The following ASPRV1 variants were observed in gnomAD, a reference collection of about 807,000 sequenced individuals.
ASPRV1 encodes the protein aspartic peptidase retroviral like 1.
ASPRV1 carries 7 observed loss-of-function variants against 11.0 expected under a neutral mutation model. The ratio of observed to expected loss-of-function variants is 0.64; its 90% CI spans 0.36 to 1.20. The LOEUF (loss-of-function observed/expected upper bound fraction) is 1.20, where lower values mean the gene tolerates loss of function less well. Ranked by LOEUF, ASPRV1 falls within the 50% of genes most tolerant of loss-of-function variation. The probability of loss-of-function intolerance (pLI) is 0.02; values close to 1 mark genes in which losing one functional copy is unlikely to be tolerated. For missense variants in ASPRV1, 299 were observed against 320.0 expected (o/e 0.93, Z 0.50); for synonymous variants, 136 against 138.4 (o/e 0.98, Z 0.12).
At chr2:70,003,130 T>C in the ASPRV1 span, 2 of 152,256 alleles carry the variant, frequency 1.3e-5, no homozygotes, top group Non-Finnish European at 2.9e-5. Flanking sequence ...ACTGCCTCTT[T>C]TTCTCCTTGT....
chr2:70,080,470 G>T, the ASPRV1 span, among the ~76,000 whole-genome samples: 1 of 152,208 alleles, frequency 6.6e-6, no homozygotes, highest in South Asian at 2.1e-4. Context: ...CAGGTGATCT[G>T]CCCGCCTCGG....
the ASPRV1 span, among the ~76,000 whole-genome samples, chr2:69,954,144 C>T: frequency 6.6e-6 from 1 of 152,242 alleles, no homozygotes; most frequent in Middle Eastern, 3.2e-3. Context: ...CTGCCTCCAA[C>T]CCTGCCCTGG....
At chr2:70,072,231 T>G in the ASPRV1 span, among the ~76,000 whole-genome samples, 4 of 148,786 alleles carry the variant, frequency 2.7e-5, no homozygotes, top group Admixed American at 2.7e-4. Context: ...GGATTACAGG[T>G]GTGAGCCACT....
At chr2:70,039,505 G>T in the ASPRV1 span, among the ~76,000 whole-genome samples, 1 of 152,140 alleles carries the variant, frequency 6.6e-6, no homozygotes, top group African/African-American at 2.4e-5. Context: ...CTAGCTGATG[G>T]GTTATACTAG....
chr2:69,960,507 G>T lies in ASPRV1; in HGVS notation c.*150C>A. The T allele has an allele frequency of 1.2e-6, 1 of 806,128 alleles. No individual in the cohort carries two copies. The highest frequency in any genetic ancestry group is 1.9e-6 in the Non-Finnish European group (1 of 522,166). 49.9% of individuals were successfully genotyped at this position (806,128 alleles called of 1,614,324 possible). On this transcript the variant is annotated 3_prime_UTR_variant, in exon 1 of 1. Transcript: ENST00000320256. ...GCCTCCCCTACCAGGGGCAGATTAAGGCCCCTGCAGAGGGAGGCAAAGGGG... is the reference window on the plus strand; with the variant it reads ...GCCTCCCCTACCAGGGGCAGATTAATGCCCCTGCAGAGGGAGGCAAAGGGG...
At chr2:70,032,745 C>T in the ASPRV1 span, among the ~76,000 whole-genome samples, 1 of 152,160 alleles carries the variant, frequency 6.6e-6, no homozygotes, top group Non-Finnish European at 1.5e-5. Flanking sequence ...CTCTTTACCC[C>T]TAATGATATA....
the ASPRV1 span, among the ~76,000 whole-genome samples, chr2:70,005,936 G>A: frequency 6.6e-6 from 1 of 152,202 alleles, no homozygotes; most frequent in Non-Finnish European, 1.5e-5. Context: ...AGAGCCATGT[G>A]CTGGGCACTG....
At chr2:69,935,465 G>A in the ASPRV1 span, 2 of 1,602,412 alleles carry the variant, frequency 1.2e-6, no homozygotes, top group South Asian at 2.2e-5. Flanking sequence ...TGCACATAAA[G>A]GTAAGTGTAT....
chr2:69,983,932 C>G, the ASPRV1 span, among the ~76,000 whole-genome samples: 1 of 152,238 alleles, frequency 6.6e-6, no homozygotes, highest in African/African-American at 2.4e-5. Flanking sequence ...AGCACTGCCT[C>G]TGCCCAGAAG....
At chr2:70,059,763 T>C in the ASPRV1 span, 1 of 153,814 alleles carries the variant, frequency 6.5e-6, no homozygotes, top group African/African-American at 2.4e-5. Flanking sequence ...GATCCCTCAC[T>C]TGCTCAGTTC....
the ASPRV1 span, chr2:69,938,393 C>A: frequency 7.0e-5 from 82 of 1,168,614 alleles, no homozygotes; most frequent in Admixed American, 1.6e-4. Flanking sequence ...CAGTGTCCCA[C>A]CTTGACCAAA....
At chr2:70,059,009 T>C in the ASPRV1 span, among the ~76,000 whole-genome samples, 64 of 147,466 alleles carry the variant, frequency 4.3e-4, no homozygotes, top group Middle Eastern at 3.6e-3. Flanking sequence ...GGCCTCAGCC[T>C]CCTGAGTAGC....
At chr2:69,990,906 T>C in the ASPRV1 span, among the ~76,000 whole-genome samples, 1 of 152,166 alleles carries the variant, frequency 6.6e-6, no homozygotes, top group African/African-American at 2.4e-5. Context: ...TTCTGAGGTG[T>C]ACCCTGGCAG....
the ASPRV1 span, among the ~76,000 whole-genome samples, chr2:69,991,404 T>C: frequency 0.013 from 1,929 of 152,280 alleles, 46 homozygotes; most frequent in African/African-American, 0.044. Context: ...AAATATAAAA[T>C]GTTACATTTT....
the ASPRV1 span, among the ~76,000 whole-genome samples, chr2:70,038,437 G>T: frequency 1.3e-5 from 2 of 152,178 alleles, no homozygotes; most frequent in Admixed American, 1.3e-4. Flanking sequence ...ATAGTAGCCA[G>T]GTGTGGTGGT....
chr2:70,020,361 T>C, the ASPRV1 span, among the ~76,000 whole-genome samples: 1 of 152,212 alleles, frequency 6.6e-6, no homozygotes, highest in East Asian at 1.9e-4. Flanking sequence ...CAGTGATGAA[T>C]GGATGGACAA....
chr2:70,074,026 C>G, the ASPRV1 span, among the ~76,000 whole-genome samples: 1 of 136,776 alleles, frequency 7.3e-6, no homozygotes. Context: ...CCCAGCTACT[C>G]GGGAGGGTGA....
the ASPRV1 span, among the ~76,000 whole-genome samples, chr2:70,002,193 C>CCCACAGGG: frequency 6.6e-6 from 1 of 152,176 alleles, no homozygotes; most frequent in African/African-American, 2.4e-5. Context: ...CCCACCTTTC[C>CCCACAGGG]ATCTACCTGG....
At chr2:70,053,966 G>A in the ASPRV1 span, 1 of 152,220 alleles carries the variant, frequency 6.6e-6, no homozygotes, top group African/African-American at 2.4e-5. Context: ...CAGGATATAA[G>A]AGATGCCTCC....
Sources: allele counts gnomAD v4.1 joint callset (sites outside exome capture counted in the v4.1 genomes callset), GRCh38; gene constraint gnomAD v4.1.1; transcripts MANE v1.5; gene names NCBI Gene and HGNC (gene_info 2026-07-23, HGNC 2026-07-21).